Variants in ST8SIA6 observed in about 807,000 individuals in gnomAD.
ST8SIA6 encodes the protein ST8 alpha-N-acetyl-neuraminide alpha-2,8-sialyltransferase 6.
In ST8SIA6, 39 loss-of-function variants were observed where a neutral mutation model predicts 33.6. The ratio of observed to expected loss-of-function variants is 1.16; its 90% confidence interval spans 0.90 to 1.52. The LOEUF (loss-of-function observed/expected upper bound fraction) is 1.52, where lower values mean the gene tolerates loss of function less well. Ranked by LOEUF, ST8SIA6 falls within the 40% of genes most tolerant of loss-of-function variation. ST8SIA6 has a pLI of 0.00. For missense variants in ST8SIA6, 441 were observed against 443.8 expected (o/e 0.99, Z 0.06); for synonymous variants, 172 against 167.2 (o/e 1.03, Z -0.22).
At chr10:17,392,277 G>A (rs1850645162) in intron 2 of ST8SIA6, among the ~76,000 whole-genome samples, 1 of 152,186 alleles carries the variant, frequency 6.6e-6, no homozygotes, top group Admixed American at 6.5e-5. Context: ...CACACTGAGG[G>A]GTCAGAGGAG....
Position 17,319,140 on chromosome 10 carries a change from A to C in ST8SIA6, c.*1738T>G, listed in dbSNP as rs1297642517. Among the ~76,000 whole-genome samples the C allele has an allele frequency of 6.6e-6, 1 of 152,218 alleles. No individual in the cohort carries two copies. The highest frequency in any genetic ancestry group is 1.5e-5 in the Non-Finnish European group (1 of 68,036). ...TGCACATGTTATATGTGTCACAATG[A>C]ATGTGTCTAAATATGACAGATTATG... On this transcript the variant is annotated 3_prime_UTR_variant, in exon 8 of 8. Coordinates refer to ENST00000377602, the MANE Select transcript of ST8SIA6 (RefSeq NM_001004470.3).
intron 4 of ST8SIA6, among the ~76,000 whole-genome samples, chr10:17,352,269 C>T (rs912759257): frequency 1.4e-4 from 21 of 152,228 alleles, no homozygotes; most frequent in African/African-American, 5.1e-4. Context: ...TTTCCCTTAA[C>T]AGCTAATGCG....
intron 4 of ST8SIA6, among the ~76,000 whole-genome samples, chr10:17,346,439 C>A (rs954411911): frequency 3.9e-5 from 6 of 152,094 alleles, no homozygotes; most frequent in Admixed American, 3.9e-4. Context: ...ACAACAATTT[C>A]AAAAATTAGC....
At chr10:17,448,915 C>T (rs111278606) in intron 2 of ST8SIA6, among the ~76,000 whole-genome samples, 18 of 150,706 alleles carry the variant, frequency 1.2e-4, no homozygotes, top group Admixed American at 2.6e-4. Context: ...CCATTGCGCC[C>T]GGCCGGCAGG....
At chr10:17,401,456 C>A (rs1419584088) in intron 2 of ST8SIA6, among the ~76,000 whole-genome samples, 7 of 152,132 alleles carry the variant, frequency 4.6e-5, no homozygotes, top group Admixed American at 3.3e-4. Flanking sequence ...GAACCAAAAA[C>A]GAGCCCGCAT....
chr10:17,429,305 A>T (rs951886021), intron 2 of ST8SIA6, among the ~76,000 whole-genome samples: 1 of 151,454 alleles, frequency 6.6e-6, no homozygotes, highest in African/African-American at 2.4e-5. Context: ...TCTACCTTTT[A>T]TTTCTATTTT....
chr10:17,401,018 T>C (rs1386310348), intron 2 of ST8SIA6, among the ~76,000 whole-genome samples: 1 of 152,192 alleles, frequency 6.6e-6, no homozygotes, highest in East Asian at 1.9e-4. Flanking sequence ...CACGATTGTA[T>C]ATCTAGAAAA....
intron 3 of ST8SIA6, among the ~76,000 whole-genome samples, chr10:17,377,639 A>G (rs1849962166): frequency 6.6e-6 from 1 of 152,140 alleles, no homozygotes; most frequent in Admixed American, 6.5e-5. Flanking sequence ...GCAACTGCCT[A>G]ATTTTCATTT....
intron 4 of ST8SIA6, among the ~76,000 whole-genome samples, chr10:17,344,398 C>T (rs1848768850): frequency 6.6e-6 from 1 of 152,214 alleles, no homozygotes; most frequent in Non-Finnish European, 1.5e-5. Context: ...AGCCACATCT[C>T]ACATGGTGGC....
intron 2 of ST8SIA6, among the ~76,000 whole-genome samples, chr10:17,422,876 A>C (rs944506676): frequency 6.6e-6 from 1 of 152,222 alleles, no homozygotes; most frequent in African/African-American, 2.4e-5. Context: ...GCATGCTAAG[A>C]GATAGAGAAG....
intron 4 of ST8SIA6, among the ~76,000 whole-genome samples, chr10:17,341,458 G>A (rs1421964779): frequency 6.6e-6 from 1 of 152,152 alleles, no homozygotes; most frequent in Non-Finnish European, 1.5e-5. Flanking sequence ...TCAAGATACA[G>A]AATGAGGACT....
In ST8SIA6 at chr10:17,315,959, T is replaced by G. The variant is rs1847761355; in HGVS notation, c.*4919A>C. Among the ~76,000 whole-genome samples the G allele has an allele frequency of 2.6e-5, 4 of 152,006 alleles. No individual in the cohort carries two copies. On this transcript the variant is annotated 3_prime_UTR_variant, in exon 8 of 8. Coordinates refer to ENST00000377602, the MANE Select transcript of ST8SIA6 (RefSeq NM_001004470.3). ...AATGGAAATAATATTGGCTTTAGAGTCAGACATATGAGTTGAATACTAGCT... is the reference window on the plus strand; with the variant it reads ...AATGGAAATAATATTGGCTTTAGAGGCAGACATATGAGTTGAATACTAGCT...
chr10:17,380,245 A>G (rs940859136), intron 3 of ST8SIA6, among the ~76,000 whole-genome samples: 7 of 152,134 alleles, frequency 4.6e-5, no homozygotes, highest in Admixed American at 3.9e-4. Flanking sequence ...CATGGTAGAG[A>G]GCAGTCTACA....
chr10:17,395,165 C>G (rs1258657818), intron 2 of ST8SIA6, among the ~76,000 whole-genome samples: 1 of 152,178 alleles, frequency 6.6e-6, no homozygotes, highest in African/African-American at 2.4e-5. Flanking sequence ...TTCTCATTCT[C>G]TCTCTTGTCT....
intron 2 of ST8SIA6, among the ~76,000 whole-genome samples, chr10:17,443,317 A>T (rs1483284712): frequency 6.6e-6 from 1 of 152,230 alleles, no homozygotes; most frequent in Non-Finnish European, 1.5e-5. Context: ...CAAAAAAAGA[A>T]TATATGGAAT....
chr10:17,438,111 C>A (rs1852348094), intron 2 of ST8SIA6, among the ~76,000 whole-genome samples: 2 of 152,084 alleles, frequency 1.3e-5, no homozygotes, highest in African/African-American at 4.8e-5. Context: ...TTTTATTTTA[C>A]TGAGCTTGAT....
intron 2 of ST8SIA6, among the ~76,000 whole-genome samples, chr10:17,412,093 C>G (rs114416239): frequency 0.017 from 2,650 of 152,146 alleles, 75 homozygotes; most frequent in African/African-American, 0.06. Flanking sequence ...CTTCTACCCC[C>G]ACTCCAGCTG....
At chr10:17,398,001 G>C (rs3925888) in intron 2 of ST8SIA6, among the ~76,000 whole-genome samples, 4,952 of 152,272 alleles carry the variant, frequency 0.033, 83 homozygotes, top group South Asian at 0.055. Context: ...CAAAAGCTTA[G>C]AGACTACAAT....
chr10:17,370,228 C>A (rs1849688683), intron 3 of ST8SIA6, among the ~76,000 whole-genome samples: 1 of 152,162 alleles, frequency 6.6e-6, no homozygotes, highest in Non-Finnish European at 1.5e-5. Context: ...CGTGATCCGT[C>A]CGTCTCGGCC....
Sources: gnomAD v4.1 joint callset for allele counts (sites outside exome capture counted in the v4.1 genomes callset) on GRCh38, gnomAD v4.1.1 for gene constraint, MANE v1.5 for transcripts, NCBI Gene and HGNC (gene_info 2026-07-23, HGNC 2026-07-21) for gene names.